The following LPP variants were observed in gnomAD, a reference collection of about 807,000 sequenced individuals.
LPP encodes the protein LIM domain containing preferred translocation partner in lipoma.
A neutral mutation model predicts 60.4 loss-of-function variants in LPP; 38 were observed. The ratio of observed to expected loss-of-function variants is 0.63; its 90% confidence interval spans 0.49 to 0.83. LPP has a LOEUF of 0.83. Among genes scored for constraint, LPP ranks in the 40% least tolerant of loss-of-function variants. The pLI is 0.00. For synonymous variants in LPP, 328 were observed against 290.8 expected, an observed-to-expected ratio of 1.13 and a Z score of -1.30; for missense variants, 902 against 783.6, an observed-to-expected ratio of 1.15 and a Z score of -1.80.
At chr3:188,218,988 G>T (rs1197367599) in intron 1 of LPP, among the ~76,000 whole-genome samples, 1 of 140,918 alleles carries the variant, frequency 7.1e-6, no homozygotes, top group Non-Finnish European at 1.5e-5. Flanking sequence ...AGAAAAAATT[G>T]TTGACAAATC....
At chr3:188,273,745 G>A (rs1296646284) in intron 2 of LPP, among the ~76,000 whole-genome samples, 2 of 151,676 alleles carry the variant, frequency 1.3e-5, no homozygotes, top group Middle Eastern at 3.4e-3. Flanking sequence ...ACAGGTGCAC[G>A]CCACCACACC....
rs956488326 is a variant in LPP, at chr3:188,182,788, G to A, written c.-190+28536G>A. 9.5e-5 allele frequency among the ~76,000 whole-genome samples: 14 copies of A among 147,540 alleles called. No homozygotes were observed. Among genetic ancestry groups the A allele is most frequent in the Admixed American group, 2.7e-4 (4 of 14,632 alleles). On this transcript the variant is annotated intron_variant, in intron 1 of 11. Coordinates refer to ENST00000617246, the MANE Select transcript of LPP (RefSeq NM_001375462.1). This position sits in a 1 kb window ranked among gnomAD's most constrained non-coding sequence, Gnocchi z 4.4. Reference sequence around the variant, plus strand: ...TTATATATGTGCATATATAATATATGTACATATACAATATATGCACATATA... The same window carrying A: ...TTATATATGTGCATATATAATATATATACATATACAATATATGCACATATA...
At chr3:188,187,526 G>GA (rs938447748) in intron 1 of LPP, among the ~76,000 whole-genome samples, 33 of 151,952 alleles carry the variant, frequency 2.2e-4, no homozygotes, top group Middle Eastern at 3.4e-3. Context: ...TTTGTTGAGA[G>GA]AAAAAATTAG....
intron 7 of LPP, among the ~76,000 whole-genome samples, chr3:188,704,890 A>G (rs559864178): frequency 7.7e-4 from 117 of 151,800 alleles, no homozygotes; most frequent in South Asian, 2.9e-3. Flanking sequence ...TCAGCATGGC[A>G]TGGAAGCAGT....
chr3:188,534,602 T>A (rs1823067358), intron 6 of LPP, among the ~76,000 whole-genome samples: 1 of 152,192 alleles, frequency 6.6e-6, no homozygotes, highest in East Asian at 1.9e-4. Context: ...AAAACACAAG[T>A]CTAGCTATGT....
chr3:188,444,692 C>T (rs781700066), intron 4 of LPP, among the ~76,000 whole-genome samples: 17 of 152,118 alleles, frequency 1.1e-4, no homozygotes, highest in Admixed American at 6.5e-4. Context: ...TCAGAGTGAA[C>T]AGGCAGCCTA....
chr3:188,373,313 A>C (rs1773863910), intron 3 of LPP, among the ~76,000 whole-genome samples: 1 of 152,238 alleles, frequency 6.6e-6, no homozygotes, highest in South Asian at 2.1e-4. Context: ...ACTAGTTCAC[A>C]GTCCCACCAA....
intron 5 of LPP, among the ~76,000 whole-genome samples, chr3:188,509,677 CCTTCCTTCCT>C (rs1560497421): frequency 1.5e-4 from 4 of 27,130 alleles, no homozygotes; most frequent in African/African-American, 1.6e-4. Flanking sequence ...TTCCTTCCTT[CCTTCCTTCCT>C]CTCTCTCTCT....
At chr3:188,382,470 C>T (rs993347906) in intron 3 of LPP, among the ~76,000 whole-genome samples, 1 of 152,130 alleles carries the variant, frequency 6.6e-6, no homozygotes, top group Non-Finnish European at 1.5e-5. Context: ...AATTGGTGGT[C>T]ACTTTTTAAC....
At chr3:188,720,878 G>A (rs1716094677) in intron 8 of LPP, among the ~76,000 whole-genome samples, 1 of 152,166 alleles carries the variant, frequency 6.6e-6, no homozygotes, top group African/African-American at 2.4e-5. Context: ...CAGAAACAGT[G>A]TACACTAGTG....
intron 3 of LPP, among the ~76,000 whole-genome samples, chr3:188,390,863 G>A (rs1259297701): frequency 1.3e-5 from 2 of 152,152 alleles, no homozygotes; most frequent in African/African-American, 4.8e-5. Context: ...AGACCCTGAA[G>A]ACACTGTTTG....
At chr3:188,613,128 C>T (rs1844051856) in intron 7 of LPP, among the ~76,000 whole-genome samples, 1 of 152,040 alleles carries the variant, frequency 6.6e-6, no homozygotes, top group Non-Finnish European at 1.5e-5. Context: ...ATGTTCTCTT[C>T]TCACTGGAAA....
chr3:188,433,355 C>G (rs1268681401), intron 4 of LPP, among the ~76,000 whole-genome samples: 1 of 152,006 alleles, frequency 6.6e-6, no homozygotes, highest in Non-Finnish European at 1.5e-5. Context: ...CATTTTGTAA[C>G]CAGGCACAGC....
intron 7 of LPP, among the ~76,000 whole-genome samples, chr3:188,641,111 C>A (rs1270472006): frequency 6.6e-6 from 1 of 151,860 alleles, no homozygotes; most frequent in Admixed American, 6.5e-5. Context: ...AATTAAGGCT[C>A]CACATTTCTG....
chr3:188,741,393 C>A (rs769672626), intron 8 of LPP, among the ~76,000 whole-genome samples: 1 of 152,004 alleles, frequency 6.6e-6, no homozygotes, highest in Admixed American at 6.6e-5. Flanking sequence ...TTCCTCTTTT[C>A]CAAAATTAGT....
chr3:188,743,531 T>G (rs886096031), intron 8 of LPP: 1 of 151,994 alleles, frequency 6.6e-6, no homozygotes, highest in Non-Finnish European at 1.5e-5. Context: ...CAGATAAAAT[T>G]AAGAGGGTAA....
At chr3:188,863,615 G>A (rs1765807444) in intron 9 of LPP, among the ~76,000 whole-genome samples, 1 of 152,174 alleles carries the variant, frequency 6.6e-6, no homozygotes. Context: ...AAAAGGCGCA[G>A]GCTGTCGAAG....
At chr3:188,492,121 G>T (rs1808550552) in intron 5 of LPP, among the ~76,000 whole-genome samples, 1 of 152,132 alleles carries the variant, frequency 6.6e-6, no homozygotes, top group South Asian at 2.1e-4. Context: ...AATTGATGGT[G>T]GTTAGTTCTG....
intron 2 of LPP, among the ~76,000 whole-genome samples, chr3:188,247,527 G>C (rs1214006934): frequency 2.0e-5 from 3 of 152,054 alleles, no homozygotes; most frequent in Non-Finnish European, 4.4e-5. Context: ...GATCAGGCTG[G>C]GTGCGTTGGC....
Sources: allele counts gnomAD v4.1 joint callset (sites outside exome capture counted in the v4.1 genomes callset), GRCh38; gene constraint gnomAD v4.1.1; non-coding constraint Gnocchi (gnomAD v3.1); transcripts MANE v1.5; gene names NCBI Gene and HGNC (gene_info 2026-07-23, HGNC 2026-07-21).